Variants in CELF2 observed in about 807,000 individuals in gnomAD.
CELF2 encodes CUG triplet repeat RNA-binding protein 2.
In CELF2, 8 loss-of-function variants were observed where a neutral mutation model predicts 62.6. The ratio of observed to expected loss-of-function variants is 0.13; its 90% confidence interval spans 0.07 to 0.23. The LOEUF is 0.23. CELF2 is among the 10% of genes least tolerant of loss of function. The probability of loss-of-function intolerance (pLI) is 1.00; values close to 1 mark genes in which losing one functional copy is unlikely to be tolerated. For synonymous variants in CELF2, 258 were observed against 250.0 expected (o/e 1.03, Z -0.30); for missense variants, 333 against 671.0 (o/e 0.50, Z 5.56).
At chr10:10,754,676 C>T in the CELF2 span, among the ~76,000 whole-genome samples, 25 of 152,142 alleles carry the variant, frequency 1.6e-4, no homozygotes, top group African/African-American at 5.8e-4. Context: ...AGCCATTTTG[C>T]CAAATTTAAA....
At chr10:10,773,188 AC>A in the CELF2 span, among the ~76,000 whole-genome samples, 1 of 152,040 alleles carries the variant, frequency 6.6e-6, no homozygotes. Context: ...GGGAAAAATA[AC>A]CCCCCACCTT....
the CELF2 span, among the ~76,000 whole-genome samples, chr10:10,485,309 G>T: frequency 6.6e-6 from 1 of 152,172 alleles, no homozygotes; most frequent in Non-Finnish European, 1.5e-5. Context: ...TCATAGCATT[G>T]TTCAACAGAT....
chr10:11,154,535 G>A (rs998190587), intron 1 of CELF2, among the ~76,000 whole-genome samples: 9 of 152,240 alleles, frequency 5.9e-5, no homozygotes, highest in Non-Finnish European at 1.5e-5. Flanking sequence ...CTTGCAAATT[G>A]TTTTGAGATT....
the CELF2 span, among the ~76,000 whole-genome samples, chr10:10,544,775 C>T: frequency 9.9e-5 from 15 of 152,158 alleles, no homozygotes; most frequent in African/African-American, 3.6e-4. Flanking sequence ...CAGGAAGCCA[C>T]AAATGTAACA....
At chr10:10,824,154 G>A (rs1353823353) in intron 1 of CELF2, among the ~76,000 whole-genome samples, 1 of 152,054 alleles carries the variant, frequency 6.6e-6, no homozygotes, top group Non-Finnish European at 1.5e-5. Flanking sequence ...ACAAATTTTA[G>A]CCATTAAAGT....
chr10:10,959,121 C>T (rs955772346), intron 2 of CELF2, among the ~76,000 whole-genome samples: 13 of 152,144 alleles, frequency 8.5e-5, no homozygotes, highest in African/African-American at 3.1e-4. Flanking sequence ...AGCCTAGCGT[C>T]GTGGTAGCTA....
At chr10:11,170,769 C>T (rs1476484802) in intron 2 of CELF2, among the ~76,000 whole-genome samples, 1 of 152,026 alleles carries the variant, frequency 6.6e-6, no homozygotes, top group African/African-American at 2.4e-5. Flanking sequence ...TACTTGGAAC[C>T]TAGAATCAGT....
At chr10:10,886,844 A>G (rs1469784561) in intron 1 of CELF2, among the ~76,000 whole-genome samples, 1 of 152,208 alleles carries the variant, frequency 6.6e-6, no homozygotes, top group Non-Finnish European at 1.5e-5. Context: ...TCAGAAAACA[A>G]CAAAAAACAG....
the CELF2 span, among the ~76,000 whole-genome samples, chr10:10,736,357 A>ATTCTTTCT: frequency 0.036 from 3,918 of 109,538 alleles, 156 homozygotes; most frequent in East Asian, 0.11. Context: ...ACTGATTTCT[A>ATTCTTTCT]TTCTTTCTTT....
chr10:11,153,024 T>G (rs530374724), intron 1 of CELF2, among the ~76,000 whole-genome samples: 1 of 152,366 alleles, frequency 6.6e-6, no homozygotes, highest in East Asian at 1.9e-4. Context: ...ACAGATTCCC[T>G]GGACCACATT....
At chr10:10,560,385 G>A in the CELF2 span, among the ~76,000 whole-genome samples, 16 of 152,058 alleles carry the variant, frequency 1.1e-4, no homozygotes, top group Admixed American at 6.5e-4. Flanking sequence ...TATTACTAAC[G>A]GATTACCAAC....
intron 1 of CELF2, among the ~76,000 whole-genome samples, chr10:11,142,964 G>A (rs2061617190): frequency 6.7e-6 from 1 of 149,840 alleles, no homozygotes; most frequent in Admixed American, 6.6e-5. Context: ...CCTCCACTGG[G>A]GGAACTCACT....
In CELF2 at chr10:11,117,917, G is replaced by T. The variant is rs2056907263; in HGVS notation, c.75-47569G>T. On this transcript the variant is annotated intron_variant, in intron 1 of 12. Coordinates refer to ENST00000633077, the MANE Select transcript of CELF2 (RefSeq NM_001326342.2). This position sits in a 1 kb window ranked among gnomAD's most constrained non-coding sequence, Gnocchi z 4.1. ...TATCCTTTTATACATTTTTTATAAG[G>T]CAGAATGCTTTGAATGCATTCTGCC... 6.6e-6 allele frequency among the ~76,000 whole-genome samples: 1 copy of T among 151,948 alleles called. No homozygotes were observed. Among genetic ancestry groups the T allele is most frequent in the South Asian group, 2.1e-4 (1 of 4,810 alleles).
chr10:11,268,155 A>G lies in CELF2; in HGVS notation c.618+1478A>G, dbSNP rs1291153903. Among the ~76,000 whole-genome samples, 1 of 152,184 alleles carries G rather than the reference A, an allele frequency of 6.6e-6. No individual in the cohort carries two copies. The highest frequency in any genetic ancestry group is 1.5e-5 in the Non-Finnish European group (1 of 68,030). On this transcript the variant is annotated intron_variant, in intron 6 of 12. Transcript: ENST00000633077. The surrounding 1 kb of genome is among the most constrained non-coding windows in gnomAD (Gnocchi z 4.7). Reference sequence around the variant, plus strand: ...TGAGGCCGCTCCATTCCTGTGGATTAGCCTGATTTCCAGCCACATTTTAAT... The same window carrying G: ...TGAGGCCGCTCCATTCCTGTGGATTGGCCTGATTTCCAGCCACATTTTAAT...
the CELF2 span, among the ~76,000 whole-genome samples, chr10:10,766,125 A>C: frequency 6.6e-6 from 1 of 152,208 alleles, no homozygotes; most frequent in Non-Finnish European, 1.5e-5. Context: ...GTGGAAACTA[A>C]GATTGCACAG....
intron 9 of CELF2, among the ~76,000 whole-genome samples, chr10:11,294,535 A>G (rs2092921902): frequency 6.6e-6 from 1 of 152,198 alleles, no homozygotes; most frequent in Non-Finnish European, 1.5e-5. Context: ...AAGGTAGACC[A>G]TTCTTCCCTC....
chr10:11,043,588 C>T (rs79648840), intron 1 of CELF2, among the ~76,000 whole-genome samples: 1,705 of 152,224 alleles, frequency 0.011, 35 homozygotes, highest in African/African-American at 0.039. Context: ...CCTCATCCCC[C>T]GTCCTTCCTT....
the CELF2 span, among the ~76,000 whole-genome samples, chr10:10,594,656 C>G: frequency 6.6e-6 from 1 of 152,200 alleles, no homozygotes; most frequent in Non-Finnish European, 1.5e-5. Context: ...AGGAAGAAAA[C>G]AGAACCAAGA....
the CELF2 span, among the ~76,000 whole-genome samples, chr10:10,579,035 A>G: frequency 6.6e-6 from 1 of 152,126 alleles, no homozygotes; most frequent in Non-Finnish European, 1.5e-5. Context: ...TCCTCTACAC[A>G]TAGTGTCTGT....
Sources: gnomAD v4.1 joint callset for allele counts (sites outside exome capture counted in the v4.1 genomes callset) on GRCh38, gnomAD v4.1.1 for gene constraint, Gnocchi (gnomAD v3.1) non-coding constraint, MANE v1.5 for transcripts, NCBI Gene and HGNC (gene_info 2026-07-23, HGNC 2026-07-21) for gene names.